CDH4: variants seen among roughly 807,000 people sequenced by gnomAD.
CDH4 encodes cadherin-4.
A neutral mutation model predicts 86.0 loss-of-function variants in CDH4; 33 were observed. The ratio of observed to expected loss-of-function variants is 0.38; its 90% CI spans 0.29 to 0.51. CDH4 has a LOEUF of 0.51. Among genes scored for constraint, CDH4 ranks in the 20% least tolerant of loss-of-function variants. The probability of loss-of-function intolerance (pLI) is 0.86; values close to 1 mark genes in which losing one functional copy is unlikely to be tolerated. For missense variants in CDH4, 1,114 were observed against 1,307.4 expected, an observed-to-expected ratio of 0.85 and a Z score of 2.28; for synonymous variants, 555 against 549.4, an observed-to-expected ratio of 1.01 and a Z score of -0.14.
At chr20:61,626,715 G>A (rs931230093) in intron 2 of CDH4, among the ~76,000 whole-genome samples, 3 of 152,216 alleles carry the variant, frequency 2.0e-5, no homozygotes, top group Non-Finnish European at 2.9e-5. Context: ...TTGGTTGCTC[G>A]TGTTGAGTGA....
At chr20:61,505,833 T>G (rs1445399298) in intron 2 of CDH4, among the ~76,000 whole-genome samples, 1 of 149,726 alleles carries the variant, frequency 6.7e-6, no homozygotes, top group Non-Finnish European at 1.5e-5. Context: ...GATGAATGGG[T>G]TTATTGGTTG....
intron 2 of CDH4, among the ~76,000 whole-genome samples, chr20:61,509,582 C>G (rs2085765378): frequency 6.6e-6 from 1 of 150,898 alleles, no homozygotes; most frequent in Non-Finnish European, 1.5e-5. Flanking sequence ...GAGGAGGGTA[C>G]CAGGGTGGGG....
Position 61,598,448 on chromosome 20 carries a change from A to G in CDH4, c.170-145115A>G, listed in dbSNP as rs2086573147. ...GCATGCTCCTCCCTCCTTCCGTACT[A>G]TGGCTCCTGCTATCTGTGGCCTCAG... On this transcript the variant is annotated intron_variant, in intron 2 of 15. Transcript: ENST00000614565. Among the ~76,000 whole-genome samples the G allele has an allele frequency of 4.0e-5, 6 of 150,486 alleles. No individual in the cohort carries two copies. In the South Asian group the frequency reaches 1.3e-3, roughly 32 times the overall value.
At chr20:61,589,086 T>C (rs563830390) in intron 2 of CDH4, among the ~76,000 whole-genome samples, 1 of 152,352 alleles carries the variant, frequency 6.6e-6, no homozygotes, top group Non-Finnish European at 1.5e-5. Flanking sequence ...TCTTAATCTG[T>C]TCCTTGGGTA....
intron 2 of CDH4, among the ~76,000 whole-genome samples, chr20:61,671,975 A>C (rs1209654591): frequency 6.8e-6 from 1 of 147,808 alleles, no homozygotes; most frequent in Non-Finnish European, 1.5e-5. Context: ...ATAAGCGGGT[A>C]GATAGATGGA....
At position 61,888,641 on chromosome 20, in the gene CDH4, G is replaced by A. The variant is rs895270532; in HGVS notation, c.1051-6269G>A. 1.6e-4 allele frequency among the ~76,000 whole-genome samples: 24 copies of A among 152,368 alleles called. No individual in the cohort carries two copies. In the East Asian group the frequency reaches 2.5e-3, roughly 16 times the overall value. Reference sequence around the variant, plus strand: ...GATCCTGACCCTGAGGTTGCCAAGAGCAGCCAGTCAAGGGTGGCGCCAGCT... The same window carrying A: ...GATCCTGACCCTGAGGTTGCCAAGAACAGCCAGTCAAGGGTGGCGCCAGCT... On this transcript the variant is annotated intron_variant, in intron 7 of 15. Transcript: ENST00000614565.
chr20:61,543,964 T>C (rs944908607), intron 2 of CDH4, among the ~76,000 whole-genome samples: 2 of 152,130 alleles, frequency 1.3e-5, no homozygotes, highest in African/African-American at 4.8e-5. Flanking sequence ...AAAGATAGGC[T>C]CTCCACAGAG....
At chr20:61,766,448 G>A (rs115457248) in intron 3 of CDH4, among the ~76,000 whole-genome samples, 1,780 of 152,138 alleles carry the variant, frequency 0.012, 42 homozygotes, top group African/African-American at 0.041. Context: ...GCTTTTAGGA[G>A]CTCCACCCCC....
chr20:61,401,449 T>C (rs1048643331), intron 2 of CDH4, among the ~76,000 whole-genome samples: 2 of 152,178 alleles, frequency 1.3e-5, no homozygotes, highest in Non-Finnish European at 2.9e-5. Flanking sequence ...CATGGGGCTG[T>C]CATGAATGTT....
At chr20:61,870,421 T>G (rs778778715) in intron 6 of CDH4, among the ~76,000 whole-genome samples, 3 of 152,178 alleles carry the variant, frequency 2.0e-5, no homozygotes, top group Admixed American at 6.5e-5. Context: ...ACCGTCATTC[T>G]CAGAAACCAG....
intron 2 of CDH4, among the ~76,000 whole-genome samples, chr20:61,536,309 G>A (rs1308313908): frequency 2.0e-5 from 3 of 152,236 alleles, no homozygotes; most frequent in Non-Finnish European, 4.4e-5. Flanking sequence ...ACAGGGCTGA[G>A]GGCACAGACA....
intron 2 of CDH4, among the ~76,000 whole-genome samples, chr20:61,367,730 T>C (rs560305284): frequency 6.8e-4 from 103 of 152,118 alleles, no homozygotes; most frequent in African/African-American, 2.4e-3. Flanking sequence ...AATGAGAAAA[T>C]CACCATTTGA....
At chr20:61,273,358 AGT>A (rs2084197286) in intron 2 of CDH4, among the ~76,000 whole-genome samples, 1 of 121,992 alleles carries the variant, frequency 8.2e-6, no homozygotes, top group Non-Finnish European at 1.6e-5. Flanking sequence ...AGTTTGGGGG[AGT>A]ACCGTGTGCA....
At chr20:61,505,482 G>A (rs1027004593) in intron 2 of CDH4, among the ~76,000 whole-genome samples, 4 of 152,202 alleles carry the variant, frequency 2.6e-5, no homozygotes, top group African/African-American at 4.8e-5. Flanking sequence ...AGACAAATTA[G>A]CACTGCAGAT....
chr20:61,534,222 T>C (rs1272740431), intron 2 of CDH4, among the ~76,000 whole-genome samples: 1 of 152,238 alleles, frequency 6.6e-6, no homozygotes, highest in African/African-American at 2.4e-5. Flanking sequence ...AATATTACTT[T>C]GTGGCTTAAA....
chr20:61,831,273 A>G (rs997895607), intron 4 of CDH4, among the ~76,000 whole-genome samples: 3 of 152,232 alleles, frequency 2.0e-5, no homozygotes, highest in African/African-American at 4.8e-5. Flanking sequence ...AGGATAAATC[A>G]TGGTGATGGG....
At chr20:61,324,745 G>A (rs977107209) in intron 2 of CDH4, among the ~76,000 whole-genome samples, 1 of 152,198 alleles carries the variant, frequency 6.6e-6, no homozygotes, top group African/African-American at 2.4e-5. Flanking sequence ...TGAAAGAGGA[G>A]CAGTGGAGGA....
rs2087666738 is a variant in CDH4, at chr20:61,692,243, GTGTGTGTATGTGTGTGTCTGTA to G, written c.170-51312_170-51291del. On this transcript the variant is annotated intron_variant, in intron 2 of 15. Transcript: ENST00000614565. ...TATGTGTGTATGTGTGTGTATGTAT[GTGTGTGTATGTGTGTGTCTGTA>G]TGTGTGTCTTTGTGTGTGTGTGTGT... 2.0e-5 allele frequency among the ~76,000 whole-genome samples: 2 copies of G among 100,310 alleles called. 1 individual carries two copies. The highest frequency in any genetic ancestry group is 7.1e-4 in the South Asian group (2 of 2,814). 65.8% of individuals were successfully genotyped at this position (100,310 alleles called of 152,430 possible).
chr20:61,794,142 CAA>C (rs59426596), intron 4 of CDH4, among the ~76,000 whole-genome samples: 9 of 121,638 alleles, frequency 7.4e-5, no homozygotes, highest in Non-Finnish European at 6.6e-5. Flanking sequence ...GACTCTATCT[CAA>C]AAAAAAAAAA....
Sources: gnomAD v4.1 joint callset for allele counts (sites outside exome capture counted in the v4.1 genomes callset) on GRCh38, gnomAD v4.1.1 for gene constraint, MANE v1.5 for transcripts, NCBI Gene and HGNC (gene_info 2026-07-23, HGNC 2026-07-21) for gene names.